LRP1B: variants seen among roughly 807,000 people sequenced by gnomAD.
The protein encoded by LRP1B is low-density lipoprotein receptor-related protein 1B.
A neutral mutation model predicts 556.6 loss-of-function variants in LRP1B; 217 were observed. That is an observed-to-expected ratio of 0.39 (90% CI 0.35 to 0.44). The LOEUF is 0.44. LRP1B is among the 20% of genes least tolerant of loss of function. The pLI, the probability that LRP1B is intolerant of heterozygous loss-of-function variation, is 1.00. For synonymous variants in LRP1B, 2,047 were observed against 1,865.8 expected (o/e 1.10, Z -2.50); for missense variants, 5,053 against 5,620.8 (o/e 0.90, Z 3.23).
Position 140,506,940 on chromosome 2 carries a change from A to G in LRP1B, c.8399-22T>C, listed in dbSNP as rs376429149. ...GGAGCTAAGAAAGGCATCACAAAAA[A>G]TAAAGTTAGATGAGCACATATGTTA... is the stretch of plus-strand genomic sequence containing the variant. On this transcript the variant is annotated intron_variant, in intron 52 of 90. Transcript: ENST00000389484. 20 of 1,611,962 alleles carry G rather than the reference A, an allele frequency of 1.2e-5. No individual in the cohort carries two copies. In the African/African-American group the frequency reaches 2.4e-4, roughly 19 times the overall value.
At chr2:141,233,687 G>A (rs988258523) in intron 5 of LRP1B, among the ~76,000 whole-genome samples, 1 of 151,974 alleles carries the variant, frequency 6.6e-6, no homozygotes, top group African/African-American at 2.4e-5. Flanking sequence ...TATATGTTGT[G>A]CTAAATAAAT....
At chr2:141,706,068 A>G (rs1460319127) in intron 2 of LRP1B, among the ~76,000 whole-genome samples, 2 of 152,038 alleles carry the variant, frequency 1.3e-5, no homozygotes, top group African/African-American at 4.8e-5. Context: ...ATAAACCTAT[A>G]TGGAAATTTA....
At chr2:142,011,608 C>T (rs1485227541) in intron 1 of LRP1B, among the ~76,000 whole-genome samples, 1 of 152,108 alleles carries the variant, frequency 6.6e-6, no homozygotes, top group Non-Finnish European at 1.5e-5. Flanking sequence ...AGTTTAAAGG[C>T]CTGATGTTGT....
chr2:141,827,748 C>T (rs1364703940), intron 1 of LRP1B, among the ~76,000 whole-genome samples: 3 of 151,734 alleles, frequency 2.0e-5, no homozygotes, highest in Non-Finnish European at 2.9e-5. Flanking sequence ...TTTGGCATAT[C>T]CTAAAGATAG....
At chr2:141,175,656 G>C (rs530171519) in intron 7 of LRP1B, among the ~76,000 whole-genome samples, 7 of 152,250 alleles carry the variant, frequency 4.6e-5, no homozygotes, top group African/African-American at 1.4e-4. Flanking sequence ...TACTAGGTCA[G>C]GGCAGTGGGA....
chr2:141,792,773 G>A (rs1410479507), intron 2 of LRP1B, among the ~76,000 whole-genome samples: 1 of 151,968 alleles, frequency 6.6e-6, no homozygotes, highest in Non-Finnish European at 1.5e-5. Context: ...AACGAATAGT[G>A]TAATGACATT....
intron 32 of LRP1B, among the ~76,000 whole-genome samples, chr2:140,780,663 ATC>A (rs1246113321): frequency 6.6e-6 from 1 of 152,176 alleles, no homozygotes; most frequent in Non-Finnish European, 1.5e-5. Context: ...TCCAAGATGT[ATC>A]TCTCTGCAAA....
At chr2:141,150,018 G>C (rs1701881803) in intron 7 of LRP1B, among the ~76,000 whole-genome samples, 1 of 152,238 alleles carries the variant, frequency 6.6e-6, no homozygotes, top group East Asian at 1.9e-4. Flanking sequence ...GAATAGAATG[G>C]GCACCAGGAA....
rs117865467 is a variant in LRP1B, at chr2:141,284,668, A to G, written c.344-30027T>C. Reference sequence around the variant, plus strand: ...GTGTAGTATAAACAGAAGTAGAGTTACATGTATTATTTTCCATGAGATATT... The same window carrying G: ...GTGTAGTATAAACAGAAGTAGAGTTGCATGTATTATTTTCCATGAGATATT... On this transcript the variant is annotated intron_variant, in intron 3 of 90. Coordinates refer to ENST00000389484, the MANE Select transcript of LRP1B (RefSeq NM_018557.3). Among the ~76,000 whole-genome samples, 445 of 152,364 alleles carry G rather than the reference A, an allele frequency of 2.9e-3. 6 individuals carry two copies. The highest frequency in any genetic ancestry group is 0.02 in the East Asian group (104 of 5,186).
At chr2:141,474,040 CT>C (rs1399982048) in intron 3 of LRP1B, among the ~76,000 whole-genome samples, 2 of 112,372 alleles carry the variant, frequency 1.8e-5, no homozygotes, top group African/African-American at 8.7e-5. Flanking sequence ...TCCTTCCTTC[CT>C]TCCTTTCCTT....
rs545363650 is a variant in LRP1B at position 141,004,153 on chromosome 2, G to A, written c.2503+1182C>T. Among the ~76,000 whole-genome samples, 258 of 152,098 alleles carry A rather than the reference G, an allele frequency of 1.7e-3. 1 individual carries two copies. Among genetic ancestry groups the A allele is most frequent in the Non-Finnish European group, 2.0e-3 (137 of 67,978 alleles). On this transcript the variant is annotated intron_variant, in intron 15 of 90. Coordinates refer to ENST00000389484, the MANE Select transcript of LRP1B (RefSeq NM_018557.3). ...ATTATAAGTGATAAAATAAATACAC[G>A]AAATGTTTATTCAGCAATTTGTGAT...
At chr2:141,016,467 G>C (rs1442252141) in intron 12 of LRP1B, among the ~76,000 whole-genome samples, 1 of 151,968 alleles carries the variant, frequency 6.6e-6, no homozygotes, top group African/African-American at 2.4e-5. Context: ...GGTCTAATTT[G>C]TCTTCCTGAT....
intron 1 of LRP1B, among the ~76,000 whole-genome samples, chr2:142,040,498 A>T (rs1704025589): frequency 6.6e-6 from 1 of 151,344 alleles, no homozygotes; most frequent in Non-Finnish European, 1.5e-5. Flanking sequence ...TATCATTTGG[A>T]GACTTATTCT....
At position 140,813,664 on chromosome 2, in the gene LRP1B, G is replaced by C. The variant is rs1414500043; in HGVS notation, c.5352C>G (p.Thr1784=). ...TAGAATAATTTCACTTACCCATGAT[G>C]GTTAGGGCTGTAGCTTTTGTTAATT... ...KEELTKATAL[T]IMDKKLWWAD... Residue 1784 remains threonine, a synonymous_variant, in exon 32 of 91, where the codon ACC becomes ACG. Transcript: ENST00000389484. 6.2e-7 allele frequency: 1 copy of C among 1,613,364 alleles called. No homozygotes were observed. The highest frequency in any genetic ancestry group is 8.5e-7 in the Non-Finnish European group (1 of 1,179,540).
intron 3 of LRP1B, among the ~76,000 whole-genome samples, chr2:141,413,780 A>G (rs1241080823): frequency 6.6e-6 from 1 of 151,822 alleles, no homozygotes; most frequent in Non-Finnish European, 1.5e-5. Flanking sequence ...GCTACTTGGG[A>G]GGCTGAGGAT....
Position 142,064,084 on chromosome 2 carries a change from C to A in LRP1B, c.82+66564G>T, listed in dbSNP as rs181219434. Among the ~76,000 whole-genome samples, 200 of 151,598 alleles carry A rather than the reference C, an allele frequency of 1.3e-3. 2 individuals are homozygous for A. Among genetic ancestry groups the A allele is most frequent in the Middle Eastern group, 0.01 (3 of 294 alleles). ...GAAGAAAAATGTTTTCTTTCTATGTCTAGTAAATCCAAATTATTATAAACT... is the reference window on the plus strand; with the variant it reads ...GAAGAAAAATGTTTTCTTTCTATGTATAGTAAATCCAAATTATTATAAACT... On this transcript the variant is annotated intron_variant, in intron 1 of 90. Coordinates refer to ENST00000389484, the MANE Select transcript of LRP1B (RefSeq NM_018557.3).
chr2:141,919,336 GGT>G (rs1460073418), intron 1 of LRP1B, among the ~76,000 whole-genome samples: 1 of 151,950 alleles, frequency 6.6e-6, no homozygotes, highest in Non-Finnish European at 1.5e-5. Context: ...GCTTCAAACA[GGT>G]CTTAGATTTC....
At chr2:141,364,353 G>A (rs866885506) in intron 3 of LRP1B, among the ~76,000 whole-genome samples, 6 of 149,562 alleles carry the variant, frequency 4.0e-5, no homozygotes, top group African/African-American at 1.5e-4. Context: ...ATTAAATCAC[G>A]CACACACACG....
At chr2:140,483,214 T>C (rs1433691069) in intron 59 of LRP1B, among the ~76,000 whole-genome samples, 4 of 152,266 alleles carry the variant, frequency 2.6e-5, no homozygotes, top group Middle Eastern at 3.4e-3. Context: ...TATCCAAAAA[T>C]GAAATCAATG....
Sources: gnomAD v4.1 joint callset for allele counts (sites outside exome capture counted in the v4.1 genomes callset) on GRCh38, gnomAD v4.1.1 for gene constraint, MANE v1.5 for transcripts, NCBI Gene and HGNC (gene_info 2026-07-23, HGNC 2026-07-21) for gene names.